The following CEP170B variants were observed in gnomAD, a reference collection of about 807,000 sequenced individuals.
CEP170B encodes centrosomal protein of 170 kDa protein B.
In CEP170B, 55 loss-of-function variants were observed where a neutral mutation model predicts 120.6. The observed-to-expected ratio is 0.46, with a 90% CI of 0.37 to 0.57. The LOEUF (loss-of-function observed/expected upper bound fraction) is 0.57. Among genes scored for constraint, CEP170B ranks in the 20% least tolerant of loss-of-function variants. The probability of loss-of-function intolerance (pLI) is 0.00; values close to 1 mark genes in which losing one functional copy is unlikely to be tolerated. For synonymous variants in CEP170B, 1,033 were observed against 954.5 expected, an observed-to-expected ratio of 1.08 and a Z score of -1.52; for missense variants, 2,212 against 2,253.3, an observed-to-expected ratio of 0.98 and a Z score of 0.37.
Position 104,865,365 on chromosome 14 carries a change from AGGC to A in CEP170B, c.-169_-167del, listed in dbSNP as rs1895151309. 1.5e-5 allele frequency: 2 copies of A among 131,862 alleles called. No individual in the cohort carries two copies. The highest frequency in any genetic ancestry group is 7.3e-5 in the Admixed American group (1 of 13,616). The allele number at this position is 131,862 out of a possible 1,614,324, so 8.2% of individuals were successfully genotyped here. On this transcript the variant is annotated 5_prime_UTR_variant, in exon 1 of 19. Transcript: ENST00000414716. The surrounding 1 kb of genome is among the most constrained non-coding windows in gnomAD (Gnocchi z 6.7). Reference sequence around the variant, plus strand: ...GTGCGGGCCTCGCCGGGCATGTCCTAGGCGGCGGCCCCGCCCAGCGCTCGGCCG... The same window carrying A: ...GTGCGGGCCTCGCCGGGCATGTCCTAGGCGGCCCCGCCCAGCGCTCGGCCG...
In CEP170B at chr14:104,880,326, G is replaced by A; in HGVS notation, c.373G>A (p.Gly125Ser). 1 of 1,610,244 alleles carries A rather than the reference G, an allele frequency of 6.2e-7. No individual in the cohort carries two copies. The highest frequency in any genetic ancestry group is 8.5e-7 in the Non-Finnish European group (1 of 1,178,612). ...YTSQLQVSVK[G>S]LAPKRSEALP... ...CAGCCAGCTGCAGGTGAGCGTGAAG[G>A]GTTTGGCGCCCAAGAGGAGCGAGGC... is the stretch of plus-strand genomic sequence containing the variant. The change falls in exon 6 of 19, where the codon GGT becomes AGT. Residue 125 changes from glycine (G) to serine (S), a missense_variant. Coordinates refer to ENST00000414716, the MANE Select transcript of CEP170B (RefSeq NM_001112726.3).
intron 2 of CEP170B, among the ~76,000 whole-genome samples, chr14:104,872,489 CGTGT>C (rs5811157): frequency 0.08 from 5,648 of 70,182 alleles, 1,163 homozygotes; most frequent in Middle Eastern, 0.25. Context: ...GCGTGTGTGC[CGTGT>C]GTGTGTGCGT....
In CEP170B at chr14:104,883,334, C is replaced by T. The variant is rs564677697; in HGVS notation, c.877C>T (p.Arg293Cys). 30 of 1,611,720 alleles carry T rather than the reference C, an allele frequency of 1.9e-5. No homozygotes were observed. The highest frequency in any genetic ancestry group is 1.0e-4 in the Admixed American group (6 of 59,942). Residue 293 changes from arginine (R) to cysteine (C), a missense_variant, in exon 8 of 19, where the codon CGC becomes TGC. Physicochemically the swap from Arg to Cys is radical, Grantham distance 180. This residue lies in a region of CEP170B where 2,166 missense variants were observed against 2,166.7 expected (regional missense o/e 1.00). Coordinates refer to ENST00000414716, the MANE Select transcript of CEP170B (RefSeq NM_001112726.3). ...GGACCATATCACCAAGTTTTCCCTG[C>T]GCCAGCGGCGGCCCCCGGGCAAGGA... ...IKDHITKFSL[R>C]QRRPPGKEAT... is the part of the protein sequence containing the mutation.
rs1261123407 is a variant in CEP170B, at chr14:104,886,075, G to C, written c.1980G>C (p.Lys660Asn). ...LPVPGSPGGQ[K>N]WVSRWASLAD... ...TGCCGGGCTCCCCTGGGGGTCAGAA[G>C]TGGGTGTCCCGCTGGGCCAGCCTGG... The change falls in exon 11 of 19, where the codon AAG (lysine) becomes AAC (asparagine). Residue 660 changes from lysine (K) to asparagine (N), a missense_variant. Around this residue, in one of 2 missense-constraint regions of CEP170B, gnomAD observed 2,166 missense variants for 2,166.7 expected, o/e 1.00. Transcript: ENST00000414716. The C allele has an allele frequency of 6.5e-7, 1 of 1,546,978 alleles. No homozygotes were observed. The highest frequency in any genetic ancestry group is 2.4e-5 in the East Asian group (1 of 40,958).
intron 13 of CEP170B, among the ~76,000 whole-genome samples, chr14:104,892,732 G>C (rs773597466): frequency 1.7e-4 from 26 of 152,290 alleles, no homozygotes; most frequent in Non-Finnish European, 1.5e-4. Flanking sequence ...TTCAGGCTCC[G>C]TCCCAGCCCC....
chr14:104,878,633 G>T (rs1438432294), intron 5 of CEP170B, 132 bp downstream of exon 5: 1 of 938,368 alleles, frequency 1.1e-6, no homozygotes, highest in Non-Finnish European at 1.6e-6. Context: ...GGCTGCGGGT[G>T]CCATGAGTCA....
At chr14:104,880,453 A>C (rs1304786826) in intron 6 of CEP170B, 28 bp downstream of exon 6, 1 of 1,606,184 alleles carries the variant, frequency 6.2e-7, no homozygotes, top group South Asian at 1.1e-5. Flanking sequence ...GGATGGGGTG[A>C]GCACACAGGG....
chr14:104,880,707 G>A (rs574556803), intron 6 of CEP170B, among the ~76,000 whole-genome samples: 11 of 150,344 alleles, frequency 7.3e-5, no homozygotes, highest in African/African-American at 1.2e-4. Flanking sequence ...CTGCATCTTC[G>A]TTATACACAC....
rs1483451310 is a variant in CEP170B, at chr14:104,883,949, C to T, written c.1170C>T (p.Ile390=). The T allele has an allele frequency of 1.2e-6, 2 of 1,606,226 alleles. No individual in the cohort carries two copies. The highest frequency in any genetic ancestry group is 2.7e-5 in the African/African-American group (2 of 74,838). The part of the protein sequence containing the change: ...SGEQVRLQRQ[I]KRDPQELLHN... ...AGCAGGTGCGGCTGCAGAGGCAGATCAAGCGGGACCCCCAGGAGCTACTAC... is the reference window on the plus strand; with the variant it reads ...AGCAGGTGCGGCTGCAGAGGCAGATTAAGCGGGACCCCCAGGAGCTACTAC... The change falls in exon 9 of 19, where the codon ATC becomes ATT. Residue 390 remains isoleucine, a synonymous_variant. Transcript: ENST00000414716.
chr14:104,885,686 T>A (rs1407617780), intron 10 of CEP170B, 144 bp downstream of exon 10: 2 of 1,185,618 alleles, frequency 1.7e-6, no homozygotes, highest in Non-Finnish European at 2.3e-6. Context: ...GGGCTGGGGC[T>A]TCCATGAGGA....
intron 3 of CEP170B, among the ~76,000 whole-genome samples, chr14:104,876,999 C>G (rs1032470551): frequency 6.6e-6 from 1 of 152,168 alleles, no homozygotes; most frequent in Non-Finnish European, 1.5e-5. Context: ...CCCTGAGGTC[C>G]CTGTCTGGAT....
At chr14:104,885,924 G>C in intron 10 of CEP170B, 116 bp from the exon 11 acceptor site, 1 of 906,044 alleles carries the variant, frequency 1.1e-6, no homozygotes, top group Non-Finnish European at 1.6e-6. Flanking sequence ...GCCCTGGGTG[G>C]CGCGCATGCG....
chr14:104,885,271 C>A (rs887220810), intron 9 of CEP170B, 98 bp from the exon 10 acceptor site: 26 of 1,365,098 alleles, frequency 1.9e-5, no homozygotes, highest in Non-Finnish European at 2.3e-5. Context: ...CAACCAGGTC[C>A]CTGCTCTCCC....
intron 13 of CEP170B, among the ~76,000 whole-genome samples, 195 bp downstream of exon 13, chr14:104,889,953 A>G (rs61996004): frequency 0.032 from 514 of 16,054 alleles, 15 homozygotes; most frequent in African/African-American, 0.084. Flanking sequence ...TGGATGGATG[A>G]ATGGATGGAT....
intron 6 of CEP170B, 56 bp downstream of exon 6, chr14:104,880,481 G>GC (rs1230069983): frequency 7.0e-6 from 11 of 1,582,466 alleles, no homozygotes; most frequent in Non-Finnish European, 8.6e-6. Context: ...CAGGCCCTCT[G>GC]CCCCGCACCT....
In CEP170B at chr14:104,887,231, A is replaced by C. The variant is rs929389670; in HGVS notation, c.2992A>C (p.Thr998Pro). ...SPPAAQDPGG[T>P]ALVSAREQSS... is the part of the protein sequence containing the mutation. Reference sequence around the variant, plus strand: ...GCCAGCTGCACAGGACCCGGGAGGCACCGCCCTGGTCAGTGCCCGTGAGCA... The same window carrying C: ...GCCAGCTGCACAGGACCCGGGAGGCCCCGCCCTGGTCAGTGCCCGTGAGCA... The change falls in exon 12 of 19, where the codon ACC becomes CCC. Residue 998 changes from threonine to proline, a missense_variant. Transcript: ENST00000414716. The C allele has an allele frequency of 4.4e-6, 7 of 1,606,256 alleles. No individual in the cohort carries two copies. The highest frequency in any genetic ancestry group is 5.9e-6 in the Non-Finnish European group (7 of 1,179,584).
chr14:104,866,081 C>G (rs374441874), intron 1 of CEP170B, among the ~76,000 whole-genome samples: 2 of 152,230 alleles, frequency 1.3e-5, no homozygotes, highest in Non-Finnish European at 2.9e-5. Context: ...CCGGCCGGGG[C>G]GGCTGAGGGG....
In CEP170B at chr14:104,865,762, C is replaced by G. The variant is rs1895170540; in HGVS notation, c.-28+249C>G. Among the ~76,000 whole-genome samples the G allele has an allele frequency of 6.6e-6, 1 of 152,054 alleles. No individual in the cohort carries two copies. The highest frequency in any genetic ancestry group is 2.4e-5 in the African/African-American group (1 of 41,444). On this transcript the variant is annotated intron_variant, in intron 1 of 18. Coordinates refer to ENST00000414716, the MANE Select transcript of CEP170B (RefSeq NM_001112726.3). The surrounding 1 kb of genome is among the most constrained non-coding windows in gnomAD (Gnocchi z 6.7). ...GGAGGGGGCGGCAAGCCTGGGCACC[C>G]GGGTCCCCGCCCCGGCACCGGCTCG...
chr14:104,894,106 G>T lies in CEP170B; in HGVS notation c.4272-179G>T, dbSNP rs937506982. The T allele has an allele frequency of 6.1e-6, 4 of 657,064 alleles. No individual in the cohort carries two copies. The South Asian group carries it at 7.4e-5, about 12-fold the overall frequency. 40.7% of individuals were successfully genotyped at this position (657,064 alleles called of 1,614,324 possible). A position where few individuals can be genotyped will look rare whatever the true frequency, so the allele number is the denominator to read the frequency against. On this transcript the variant is annotated intron_variant, in intron 16 of 18. Transcript: ENST00000414716. ...CCCGGGCCCAGCCCTCCCCACCGCC[G>T]AGTGTCAGGCACAGATGGGACTTTG... is the stretch of plus-strand genomic sequence containing the variant.
Sources: allele counts gnomAD v4.1 joint callset (sites outside exome capture counted in the v4.1 genomes callset), GRCh38; gene constraint gnomAD v4.1.1; regional missense constraint gnomAD v4.1.1; non-coding constraint Gnocchi (gnomAD v3.1); transcripts MANE v1.5; gene names NCBI Gene and HGNC (gene_info 2026-07-23, HGNC 2026-07-21).